RAB27A: variants seen among roughly 807,000 people sequenced by gnomAD.
RAB27A encodes the protein ras-related protein Rab-27A.
In RAB27A, 17 loss-of-function variants were observed where a neutral mutation model predicts 20.8. The observed-to-expected ratio is 0.82, with a 90% confidence interval of 0.56 to 1.23. The LOEUF (loss-of-function observed/expected upper bound fraction) is 1.23. RAB27A is among the 50% of genes most tolerant of loss of function. RAB27A has a pLI of 0.00. For missense variants in RAB27A, 277 were observed against 266.7 expected (o/e 1.04, Z -0.27); for synonymous variants, 85 against 92.8 (o/e 0.92, Z 0.48).
At chr15:55,236,857 C>T (rs1896278690) in intron 2 of RAB27A, among the ~76,000 whole-genome samples, 1 of 152,038 alleles carries the variant, frequency 6.6e-6, no homozygotes, top group South Asian at 2.1e-4. Flanking sequence ...GAGAACATTT[C>T]AAGTCCTCTC....
chr15:55,223,932 C>T lies in RAB27A; in HGVS notation c.424G>A (p.Val142Ile), dbSNP rs538323738. Reference protein sequence around the residue: ...GNKSDLEDQRVVKEEEAIALA... With the variant: ...GNKSDLEDQRIVKEEEAIALA... ...GCTATGGCTTCCTCCTCTTTCACTA[C>T]TCTCTGGTCCTCCAGATCACTCTTG... The change falls in exon 6 of 7, where the codon GTA becomes ATA. Residue 142 changes from valine to isoleucine, a missense_variant. By Grantham distance (29) the Val-to-Ile change is conservative (BLOSUM62 3). Transcript: ENST00000336787. 6.2e-7 allele frequency: 1 copy of T among 1,613,950 alleles called. No homozygotes were observed. The highest frequency in any genetic ancestry group is 8.5e-7 in the Non-Finnish European group (1 of 1,179,902).
At chr15:55,287,156 G>A (rs1479046490) in intron 1 of RAB27A, among the ~76,000 whole-genome samples, 1 of 151,958 alleles carries the variant, frequency 6.6e-6, no homozygotes, top group Non-Finnish European at 1.5e-5. Flanking sequence ...CTGACCTCAC[G>A]TGATCCACCT....
chr15:55,246,582 T>G (rs184202244), intron 2 of RAB27A, among the ~76,000 whole-genome samples: 1 of 151,180 alleles, frequency 6.6e-6, no homozygotes, highest in African/African-American at 2.4e-5. Context: ...TTGTGACAAG[T>G]ACCCCTTGCT....
intron 1 of RAB27A, among the ~76,000 whole-genome samples, chr15:55,318,642 A>C (rs990777220): frequency 8.7e-5 from 13 of 149,980 alleles, no homozygotes; most frequent in African/African-American, 3.2e-4. Flanking sequence ...CAGAAGTTGC[A>C]GTGAGCCCAG....
At chr15:55,293,876 A>T (rs1415530076), upstream of RAB27A, among the ~76,000 whole-genome samples, 1 of 152,106 alleles carries the variant, frequency 6.6e-6, no homozygotes, top group African/African-American at 2.4e-5. Context: ...GAGATCGTGC[A>T]ACTGCACTCC....
intron 2 of RAB27A, among the ~76,000 whole-genome samples, chr15:55,241,624 ATGTG>A (rs1555395487): frequency 5.1e-5 from 6 of 117,632 alleles, no homozygotes; most frequent in African/African-American, 2.2e-4. Context: ...ATATATATAT[ATGTG>A]TGTATATATA....
chr15:55,284,610 T>TG (rs1898100326), intron 1 of RAB27A, among the ~76,000 whole-genome samples: 1 of 152,242 alleles, frequency 6.6e-6, no homozygotes, highest in South Asian at 2.1e-4. Context: ...TGCCACATGT[T>TG]GGATCTGGGG....
At chr15:55,302,967 C>T (rs1484333091) in intron 2 of RAB27A, among the ~76,000 whole-genome samples, 3 of 116,696 alleles carry the variant, frequency 2.6e-5, no homozygotes, top group Non-Finnish European at 4.8e-5. Context: ...GCAGCCACCC[C>T]GTCCAAGAGG....
intron 6 of RAB27A, among the ~76,000 whole-genome samples, chr15:55,221,213 T>G (rs1415545254): frequency 2.0e-5 from 3 of 152,090 alleles, no homozygotes; most frequent in Non-Finnish European, 4.4e-5. Flanking sequence ...AGCCTGACCC[T>G]CCCCCAGTAC....
intron 6 of RAB27A, among the ~76,000 whole-genome samples, chr15:55,211,195 T>A (rs1465651799): frequency 6.6e-6 from 1 of 152,190 alleles, no homozygotes; most frequent in Non-Finnish European, 1.5e-5. Context: ...GTGTGAGGTC[T>A]CCAGCTTTGG....
intron 2 of RAB27A, among the ~76,000 whole-genome samples, chr15:55,303,859 C>T (rs1257286153): frequency 1.5e-5 from 2 of 137,634 alleles, no homozygotes; most frequent in Non-Finnish European, 3.1e-5. Context: ...CCCCCCTGCC[C>T]AGCCAGCCGG....
intron 6 of RAB27A, among the ~76,000 whole-genome samples, chr15:55,223,598 G>A (rs1253361421): frequency 6.6e-6 from 1 of 152,012 alleles, no homozygotes; most frequent in Non-Finnish European, 1.5e-5. Context: ...TTTGCATCTT[G>A]GAAAGAAGGC....
At chr15:55,301,991 C>T (rs1053920296) in intron 2 of RAB27A, among the ~76,000 whole-genome samples, 2 of 151,854 alleles carry the variant, frequency 1.3e-5, no homozygotes, top group African/African-American at 4.8e-5. Context: ...GTGGCCTGGC[C>T]AATATGGTGA....
intron 1 of RAB27A, among the ~76,000 whole-genome samples, chr15:55,278,663 T>C (rs1897938042): frequency 1.3e-5 from 2 of 152,046 alleles, no homozygotes; most frequent in Non-Finnish European, 1.5e-5. Context: ...TTTGTATTTT[T>C]AGTAGAGACA....
At chr15:55,275,970 G>A (rs1897862622) in intron 1 of RAB27A, among the ~76,000 whole-genome samples, 1 of 146,932 alleles carries the variant, frequency 6.8e-6, no homozygotes, top group African/African-American at 2.5e-5. Flanking sequence ...AGGATGTGGA[G>A]AAAAGGGAAC....
chr15:55,226,414 C>T (rs1436608638), intron 5 of RAB27A, among the ~76,000 whole-genome samples: 1 of 152,106 alleles, frequency 6.6e-6, no homozygotes, highest in Non-Finnish European at 1.5e-5. Context: ...GGTATATAGA[C>T]CTGCTCTCCT....
At chr15:55,216,092 C>T (rs541934583) in intron 6 of RAB27A, among the ~76,000 whole-genome samples, 86 of 152,036 alleles carry the variant, frequency 5.7e-4, no homozygotes, top group African/African-American at 2.0e-3. Context: ...TACCAAATAA[C>T]ATCAGTATCT....
intron 2 of RAB27A, among the ~76,000 whole-genome samples, chr15:55,253,362 G>T (rs1437468513): frequency 1.4e-5 from 2 of 145,016 alleles, no homozygotes; most frequent in African/African-American, 5.1e-5. Flanking sequence ...CAGGAGAATC[G>T]CTTGAACCAG....
intron 5 of RAB27A, among the ~76,000 whole-genome samples, chr15:55,224,231 C>A (rs936428776): frequency 2.0e-5 from 3 of 152,188 alleles, no homozygotes; most frequent in Admixed American, 1.3e-4. Flanking sequence ...TTATTGATAT[C>A]GGAGAGTTTA....
Sources: gnomAD v4.1 joint callset for allele counts (sites outside exome capture counted in the v4.1 genomes callset) on GRCh38, gnomAD v4.1.1 for gene constraint, MANE v1.5 for transcripts, NCBI Gene and HGNC (gene_info 2026-07-23, HGNC 2026-07-21) for gene names.